The following TTC6 variants were observed in gnomAD, a reference collection of about 807,000 sequenced individuals.
TTC6 encodes the protein tetratricopeptide repeat protein 6.
In TTC6, 172 loss-of-function variants were observed where a neutral mutation model predicts 210.4. That is an observed-to-expected ratio of 0.82 (90% CI 0.72 to 0.93). The LOEUF is 0.93. Ranked by LOEUF, TTC6 falls within the 40% of genes least tolerant of loss-of-function variation. The probability of loss-of-function intolerance (pLI) is 0.00; values close to 1 mark genes in which losing one functional copy is unlikely to be tolerated. For synonymous variants in TTC6, 804 were observed against 819.6 expected, an observed-to-expected ratio of 0.98 and a Z score of 0.32; for missense variants, 2,414 against 2,318.1, an observed-to-expected ratio of 1.04 and a Z score of -0.85.
intron 10 of TTC6, among the ~76,000 whole-genome samples, chr14:37,743,364 T>G (rs2095926759): frequency 6.6e-6 from 1 of 152,244 alleles, no homozygotes; most frequent in Non-Finnish European, 1.5e-5. Flanking sequence ...TTTCCTTTCC[T>G]TTTTACATCC....
intron 8 of TTC6, 66 bp downstream of exon 10, chr14:37,736,076 T>A: frequency 2.4e-6 from 2 of 843,902 alleles, no homozygotes; most frequent in Non-Finnish European, 1.8e-6. Context: ...AGATATTAAT[T>A]ATGGTAATTC....
intron 5 of TTC6, 41 bp downstream of exon 7, chr14:37,701,567 A>G (rs1260890329): frequency 7.2e-7 from 1 of 1,394,178 alleles, no homozygotes; most frequent in Admixed American, 3.1e-5. Flanking sequence ...GCTAAATGTA[A>G]ACTGTCATAT....
exon 10 of TTC6, chr14:37,738,843 T>C: frequency 3.3e-6 from 5 of 1,534,044 alleles, no homozygotes; most frequent in East Asian, 4.9e-5. Flanking sequence ...AAGAATGATA[T>C]GCAAAGCAGT....
chr14:37,682,276 A>G (rs1192652660), intron 2 of TTC6, among the ~76,000 whole-genome samples: 1 of 152,116 alleles, frequency 6.6e-6, no homozygotes, highest in East Asian at 1.9e-4. Context: ...CAGGATTTGA[A>G]TTCAGTCCCA....
At chr14:37,760,750 A>C (rs896329682) in intron 14 of TTC6, among the ~76,000 whole-genome samples, 5 of 152,204 alleles carry the variant, frequency 3.3e-5, no homozygotes, top group Non-Finnish European at 5.9e-5. Flanking sequence ...GTCTGGCCAC[A>C]GCCGCTTTGC....
At chr14:37,608,771 G>A (rs2095629540) in intron 2 of TTC6, among the ~76,000 whole-genome samples, 1 of 152,128 alleles carries the variant, frequency 6.6e-6, no homozygotes, top group African/African-American at 2.4e-5. Flanking sequence ...ACTGTGTTCG[G>A]ACTTTGTTCT....
chr14:37,809,165 C>T (rs1183910992), intron 24 of TTC6, among the ~76,000 whole-genome samples: 1 of 151,312 alleles, frequency 6.6e-6, no homozygotes, highest in East Asian at 1.9e-4. Flanking sequence ...GTTGATAATG[C>T]TTATAGAAGT....
At chr14:37,837,557 C>G in intron 29 of TTC6, 2 of 331,104 alleles carry the variant, frequency 6.0e-6, no homozygotes, top group South Asian at 2.4e-5. Context: ...TGTTCCCTCT[C>G]CATGTATAGA....
At chr14:37,838,371 G>C (rs1166436027) in intron 29 of TTC6, among the ~76,000 whole-genome samples, 1 of 152,154 alleles carries the variant, frequency 6.6e-6, no homozygotes, top group African/African-American at 2.4e-5. Context: ...GTTACTTATT[G>C]TTTATTCTCA....
At chr14:37,796,336 G>A (rs371971109) in exon 19 of TTC6, 6 of 1,280,336 alleles carry the variant, frequency 4.7e-6, no homozygotes, top group Non-Finnish European at 6.6e-6. Context: ...ATCTTGCAAA[G>A]TTTACTATTT....
intron 3 of TTC6, among the ~76,000 whole-genome samples, chr14:37,695,849 A>G (rs761772195): frequency 2.0e-5 from 3 of 152,182 alleles, no homozygotes; most frequent in Non-Finnish European, 4.4e-5. Context: ...ACAAAAATTA[A>G]GAATTAAAAA....
intron 14 of TTC6, among the ~76,000 whole-genome samples, chr14:37,775,844 T>C (rs2096035647): frequency 6.6e-6 from 1 of 152,208 alleles, no homozygotes; most frequent in Non-Finnish European, 1.5e-5. Context: ...ATCTTCTTGT[T>C]GGATCGAACC....
At chr14:37,602,602 A>G (rs1225102887) in intron 1 of TTC6, among the ~76,000 whole-genome samples, 2 of 151,362 alleles carry the variant, frequency 1.3e-5, no homozygotes, top group African/African-American at 4.9e-5. Context: ...TGTTCCTCCC[A>G]CCCCCACTGT....
chr14:37,818,422 T>C (rs988287149), intron 26 of TTC6, among the ~76,000 whole-genome samples: 8 of 152,190 alleles, frequency 5.3e-5, no homozygotes, highest in African/African-American at 1.7e-4. Context: ...TTTTAATTTG[T>C]GATGAAATGT....
intron 3 of TTC6, among the ~76,000 whole-genome samples, chr14:37,694,439 G>T (rs2095810497): frequency 6.6e-6 from 1 of 152,162 alleles, no homozygotes; most frequent in South Asian, 2.1e-4. Context: ...TGCTGGCAGG[G>T]ATGTGGAGAA....
intron 16 of TTC6, 122 bp downstream of exon 18, chr14:37,790,959 G>A: frequency 5.1e-6 from 4 of 778,490 alleles, no homozygotes; most frequent in Non-Finnish European, 3.9e-6. Context: ...CACTTATAAA[G>A]TCATCCTAGA....
chr14:37,775,652 G>A (rs1311728792), intron 14 of TTC6, among the ~76,000 whole-genome samples: 8 of 152,054 alleles, frequency 5.3e-5, no homozygotes. Flanking sequence ...TCAAATGTCA[G>A]GTTCAATTCC....
chr14:37,701,308 C>A lies in TTC6; in HGVS notation c.1377-24C>A, dbSNP rs560568091. ...AAAGTCCACAAAATGATGAAAGGAGCTCACTTTCTTTTCTCTGTTGCAGAA... is the reference window on the plus strand; with the variant it reads ...AAAGTCCACAAAATGATGAAAGGAGATCACTTTCTTTTCTCTGTTGCAGAA... On this transcript the variant is annotated intron_variant, in intron 4 of 30. Transcript: ENST00000553443. 1.8e-4 allele frequency: 237 copies of A among 1,350,926 alleles called. No homozygotes were observed. In the African/African-American group the frequency reaches 3.3e-3, roughly 19 times the overall value. 83.7% of individuals were successfully genotyped at this position (1,350,926 alleles called of 1,614,324 possible).
intron 5 of TTC6, among the ~76,000 whole-genome samples, chr14:37,712,409 C>A (rs992973248): frequency 1.3e-5 from 2 of 152,132 alleles, no homozygotes; most frequent in Admixed American, 1.3e-4. Context: ...TTTTCTTAGT[C>A]CCTAGACCTT....
Sources: gnomAD v4.1 joint callset for allele counts (sites outside exome capture counted in the v4.1 genomes callset) on GRCh38, gnomAD v4.1.1 for gene constraint, MANE v1.5 for transcripts, NCBI Gene and HGNC (gene_info 2026-07-23, HGNC 2026-07-21) for gene names.